SLC43A3: variants seen among roughly 807,000 people sequenced by gnomAD.
SLC43A3 encodes the protein solute carrier family 43 member 3.
Under a neutral mutation model 53.3 loss-of-function variants are expected in SLC43A3, and 33 were observed. The observed-to-expected ratio is 0.62, with a 90% CI of 0.47 to 0.83. The LOEUF (loss-of-function observed/expected upper bound fraction) is 0.83. Among genes scored for constraint, SLC43A3 ranks in the 40% least tolerant of loss-of-function variants. The pLI, the probability that SLC43A3 is intolerant of heterozygous loss-of-function variation, is 0.00. For synonymous variants in SLC43A3, 236 were observed against 246.2 expected (o/e 0.96, Z 0.39); for missense variants, 530 against 610.0 (o/e 0.87, Z 1.38).
chr11:57,421,526 G>C (rs1177712638), intron 5 of SLC43A3, among the ~76,000 whole-genome samples, 153 bp from the exon 6 acceptor site: 1 of 152,092 alleles, frequency 6.6e-6, no homozygotes, highest in Non-Finnish European at 1.5e-5. Context: ...GGGTTTTTAG[G>C]ATACCGGCCA....
Position 57,423,993 on chromosome 11 carries a change from A to T in SLC43A3, c.350T>A (p.Phe117Tyr). The change falls in exon 5 of 14, where the codon TTC becomes TAC. Residue 117 changes from phenylalanine to tyrosine, a missense_variant. Coordinates refer to ENST00000395124, the MANE Select transcript of SLC43A3 (RefSeq NM_199329.3). Reference sequence around the variant, plus strand: ...CTGACAGCACTCACCTGCAGAGGTGAAGGCTATGATGAGTGTGGCGGTGGT... The same window carrying T: ...CTGACAGCACTCACCTGCAGAGGTGTAGGCTATGATGAGTGTGGCGGTGGT... ...FYTTATLIIA[F>Y]TSAGSAVLLF... 1 of 1,614,180 alleles carries T rather than the reference A, an allele frequency of 6.2e-7. No homozygotes were observed. Among genetic ancestry groups the T allele is most frequent in the Non-Finnish European group, 8.5e-7 (1 of 1,180,018 alleles).
At chr11:57,422,697 G>A (rs1943041175) in intron 5 of SLC43A3, among the ~76,000 whole-genome samples, 1 of 152,156 alleles carries the variant, frequency 6.6e-6, no homozygotes, top group Non-Finnish European at 1.5e-5. Flanking sequence ...CCTATATTAT[G>A]GAGGAAGAGG....
intron 6 of SLC43A3, 96 bp downstream of exon 6, chr11:57,421,201 A>G: frequency 9.3e-6 from 12 of 1,292,842 alleles, no homozygotes; most frequent in Non-Finnish European, 1.3e-5. Context: ...GCTTGGGCCA[A>G]CCCCATCTGA....
chr11:57,411,062 A>G (rs902310671), intron 11 of SLC43A3, among the ~76,000 whole-genome samples: 1 of 152,152 alleles, frequency 6.6e-6, no homozygotes, highest in Non-Finnish European at 1.5e-5. Flanking sequence ...AGACTAATAC[A>G]TGTATATACA....
chr11:57,415,372 A>G, intron 9 of SLC43A3: 1 of 1,459,412 alleles, frequency 6.9e-7, no homozygotes, highest in South Asian at 1.2e-5. Context: ...GGTCAATGAC[A>G]CTTCTTGCAG....
rs543027079 is a variant in SLC43A3 at position 57,411,570 on chromosome 11, G to A, written c.1061-1449C>T. Among the ~76,000 whole-genome samples, 7 of 151,998 alleles carry A rather than the reference G, an allele frequency of 4.6e-5. No individual in the cohort carries two copies. The South Asian group carries it at 1.5e-3, about 32-fold the overall frequency. On this transcript the variant is annotated intron_variant, in intron 11 of 13. Coordinates refer to ENST00000395124, the MANE Select transcript of SLC43A3 (RefSeq NM_199329.3). Reference sequence around the variant, plus strand: ...GTCCAAGCTACTTGGGAGGCTGAAGGGAGAGGATCACTTGAGCCCAGGAGG... The same window carrying A: ...GTCCAAGCTACTTGGGAGGCTGAAGAGAGAGGATCACTTGAGCCCAGGAGG...
Position 57,409,976 on chromosome 11 carries a change from G to A in SLC43A3, c.1206C>T (p.Arg402=). The A allele has an allele frequency of 6.2e-7, 1 of 1,613,304 alleles. No individual in the cohort carries two copies. The highest frequency in any genetic ancestry group is 1.3e-5 in the African/African-American group (1 of 75,062). The change falls in exon 12 of 14, where the codon CGC becomes CGT. Residue 402 remains arginine (R), a synonymous_variant. Coordinates refer to ENST00000395124, the MANE Select transcript of SLC43A3 (RefSeq NM_199329.3). ...YLTFILQVIS[R]SFLYGSNAAF... ...CCGCGTTGCTCCCATAGAGGAAGGA[G>A]CGGCTGATCACTTGCAGGATGAAGG...
At chr11:57,411,112 C>T (rs1590677806) in intron 11 of SLC43A3, among the ~76,000 whole-genome samples, 1 of 151,720 alleles carries the variant, frequency 6.6e-6, no homozygotes, top group Admixed American at 6.6e-5. Context: ...AAAATGGTTA[C>T]CTAAAGAAGA....
In SLC43A3 at chr11:57,410,045, G is replaced by A. The variant is rs767987515; in HGVS notation, c.1137C>T (p.Phe379=). Residue 379 remains phenylalanine, a synonymous_variant, in exon 12 of 14, where the codon TTC becomes TTT. Coordinates refer to ENST00000395124, the MANE Select transcript of SLC43A3 (RefSeq NM_199329.3). The part of the protein sequence containing the change: ...LALTSLLCLG[F]ALCASVPILP... ...GGATGGGGACTGAGGCACAGAGGGCGAAGCCCAGGCACAGCAGGGATGTCA... is the reference window on the plus strand; with the variant it reads ...GGATGGGGACTGAGGCACAGAGGGCAAAGCCCAGGCACAGCAGGGATGTCA... The A allele has an allele frequency of 4.1e-5, 66 of 1,612,602 alleles. 1 individual carries two copies. Among genetic ancestry groups the A allele is most frequent in the South Asian group, 6.6e-5 (6 of 90,476 alleles).
chr11:57,408,793 C>T, intron 13 of SLC43A3: 1 of 191,820 alleles, frequency 5.2e-6, no homozygotes, highest in South Asian at 1.0e-4. Context: ...CTCACGACCA[C>T]CTCCTAGAGC....
intron 11 of SLC43A3, among the ~76,000 whole-genome samples, chr11:57,413,264 A>G (rs1565096027): frequency 6.6e-6 from 1 of 152,230 alleles, no homozygotes; most frequent in Non-Finnish European, 1.5e-5. Context: ...TAAAAGCTAT[A>G]GAAGACACAG....
Position 57,425,554 on chromosome 11 carries a change from G to T in SLC43A3, c.301C>A (p.Arg101Ser), listed in dbSNP as rs140882001. 6.2e-7 allele frequency: 1 copy of T among 1,613,918 alleles called. No homozygotes were observed. The highest frequency in any genetic ancestry group is 8.5e-7 in the Non-Finnish European group (1 of 1,179,958). The change falls in exon 4 of 14, where the codon CGC (arginine) becomes AGC (serine). Residue 101 changes from arginine to serine, a missense_variant. Physicochemically the swap from Arg to Ser is moderately radical, Grantham distance 110. This residue lies in a region of SLC43A3 where 376 missense variants were observed against 386.7 expected (regional missense o/e 0.97). Coordinates refer to ENST00000395124, the MANE Select transcript of SLC43A3 (RefSeq NM_199329.3). ...TTTGGGACTTACATGGCTATGAGGC[G>T]TGCCACGGTGGTCTTGAACCGGTCA... is the stretch of plus-strand genomic sequence containing the variant. ...IFDRFKTTVARLIAIFFYTTA... is the reference protein window; with the variant it reads ...IFDRFKTTVASLIAIFFYTTA...
rs761914096 is a variant in SLC43A3, at chr11:57,416,534, TGGGTCTGGAGGAGAGA to T, written c.769+23_769+38del. 5.9e-6 allele frequency: 9 copies of T among 1,531,818 alleles called. No homozygotes were observed. In the African/African-American group the frequency reaches 1.1e-4, roughly 19 times the overall value. The allele number at this position is 1,531,818 out of a possible 1,614,324, so 94.9% of individuals were successfully genotyped here. A position where few individuals can be genotyped will look rare whatever the true frequency, so the allele number is the denominator to read the frequency against. On this transcript the variant is annotated intron_variant, in intron 9 of 13. Transcript: ENST00000395124. ...GCCAGGAAAGGCACAAGGAGAGGCT[TGGGTCTGGAGGAGAGA>T]TGGGTTAGCCAGCAGGGCTCACCTT...
In SLC43A3 at chr11:57,409,246, C is replaced by T; in HGVS notation, c.1300G>A (p.Ala434Thr). Residue 434 changes from alanine to threonine, a missense_variant, in exon 13 of 14, where the codon GCT becomes ACT. Physicochemically the swap from Ala to Thr is moderately conservative, Grantham distance 58. Around this residue, in one of 3 missense-constraint regions of SLC43A3, gnomAD observed 124 missense variants for 166.4 expected, o/e 0.75. Coordinates refer to ENST00000395124, the MANE Select transcript of SLC43A3 (RefSeq NM_199329.3). ...GGGAACTGGAGCAGAGACACCACAG[C>T]CGACAAGGCCATCACCAGCCCAAAG... The part of the protein sequence containing the change: ...KLFGLVMALS[A>T]VVSLLQFPIF... 1 of 1,614,180 alleles carries T rather than the reference C, an allele frequency of 6.2e-7. No homozygotes were observed. Among genetic ancestry groups the T allele is most frequent in the Non-Finnish European group, 8.5e-7 (1 of 1,180,014 alleles).
At chr11:57,408,271 T>C (rs1590669898) in intron 13 of SLC43A3, 1 of 196,450 alleles carries the variant, frequency 5.1e-6, no homozygotes, top group African/African-American at 2.3e-5. Context: ...ATTTCAAGTT[T>C]ACTCTTTTGG....
At chr11:57,425,838 C>T in intron 3 of SLC43A3, 151 bp downstream of exon 3, 1 of 1,345,566 alleles carries the variant, frequency 7.4e-7, no homozygotes, top group Non-Finnish European at 1.0e-6. Flanking sequence ...GCCTCCCTCC[C>T]AGGCACTTCC....
chr11:57,425,155 G>A (rs1044889234), intron 4 of SLC43A3, among the ~76,000 whole-genome samples: 2 of 152,178 alleles, frequency 1.3e-5, no homozygotes, highest in African/African-American at 4.8e-5. Context: ...ATGTGAGGCT[G>A]TGCAGGGGAT....
At chr11:57,415,500 C>T in intron 9 of SLC43A3, 1 of 897,100 alleles carries the variant, frequency 1.1e-6, no homozygotes. Flanking sequence ...TCCTCAGCAC[C>T]TCCCTTTCTT....
rs776547750 is a variant in SLC43A3 at position 57,426,128 on chromosome 11, A to G, written c.45T>C (p.Thr15=). The change falls in exon 3 of 14, where the codon ACT becomes ACC. Residue 15 remains threonine (T), a synonymous_variant. Transcript: ENST00000395124. ...GLPLHVATLL[T]GLLECLGFAG... ...CAAAGCCCAGGCATTCCAGCAGCCCAGTCAGCAGTGTGGCCACGTGCAGGG... is the reference window on the plus strand; with the variant it reads ...CAAAGCCCAGGCATTCCAGCAGCCCGGTCAGCAGTGTGGCCACGTGCAGGG... The G allele has an allele frequency of 6.2e-7, 1 of 1,614,256 alleles. No homozygotes were observed. Among genetic ancestry groups the G allele is most frequent in the Admixed American group, 1.7e-5 (1 of 60,026 alleles).
Sources: allele counts gnomAD v4.1 joint callset (sites outside exome capture counted in the v4.1 genomes callset), GRCh38; gene constraint gnomAD v4.1.1; regional missense constraint gnomAD v4.1.1; transcripts MANE v1.5; gene names NCBI Gene and HGNC (gene_info 2026-07-23, HGNC 2026-07-21).